The following NKAIN2 variants were observed in gnomAD, a reference collection of about 807,000 sequenced individuals.
NKAIN2 encodes sodium/potassium-transporting ATPase subunit beta-1-interacting protein 2.
In NKAIN2, 14 loss-of-function variants were observed where a neutral mutation model predicts 32.6. The ratio of observed to expected loss-of-function variants is 0.43; its 90% CI spans 0.28 to 0.67. The LOEUF is 0.67. NKAIN2 is among the 30% of genes least tolerant of loss of function. The probability of loss-of-function intolerance (pLI) is 0.17; values close to 1 mark genes in which losing one functional copy is unlikely to be tolerated. For missense variants in NKAIN2, 198 were observed against 258.3 expected (o/e 0.77, Z 1.60); for synonymous variants, 80 against 87.2 (o/e 0.92, Z 0.46).
Position 124,688,754 on chromosome 6 carries a change from T to C in NKAIN2, c.474+30368T>C, listed in dbSNP as rs573808797. Among the ~76,000 whole-genome samples the C allele has an allele frequency of 9.9e-5, 15 of 152,284 alleles. No homozygotes were observed. The South Asian group carries it at 2.9e-3, about 29-fold the overall frequency. ...TGTTGTCTTTTCACATTGGCTTCTT[T>C]TACTCAGTAATGTAAATATAAGTTT... On this transcript the variant is annotated intron_variant, in intron 4 of 6. Transcript: ENST00000368417.
chr6:124,204,726 G>A lies in NKAIN2; in HGVS notation c.55-78279G>A, dbSNP rs531836576. Among the ~76,000 whole-genome samples, 15 of 151,634 alleles carry A rather than the reference G, an allele frequency of 9.9e-5. No individual in the cohort carries two copies. In the South Asian group the frequency reaches 2.1e-3, roughly 21 times the overall value. ...TGATTAGATTGCTAGCATATTCTAGGTACCCAAATGACATTTCTCTTGGAC... is the reference window on the plus strand; with the variant it reads ...TGATTAGATTGCTAGCATATTCTAGATACCCAAATGACATTTCTCTTGGAC... On this transcript the variant is annotated intron_variant, in intron 1 of 6. Transcript: ENST00000368417.
At chr6:123,910,500 T>G (rs1370854206) in intron 1 of NKAIN2, among the ~76,000 whole-genome samples, 2 of 27,340 alleles carry the variant, frequency 7.3e-5, no homozygotes, top group Admixed American at 5.8e-4. Context: ...GCAATGCATG[T>G]TTTTTTTTTT....
At chr6:124,333,521 G>T (rs537695327) in intron 2 of NKAIN2, among the ~76,000 whole-genome samples, 3 of 152,024 alleles carry the variant, frequency 2.0e-5, no homozygotes, top group African/African-American at 7.2e-5. Flanking sequence ...TTAGCTGGGC[G>T]TGGTGGTGGG....
chr6:124,108,137 C>T (rs1785203180), intron 1 of NKAIN2, among the ~76,000 whole-genome samples: 1 of 152,084 alleles, frequency 6.6e-6, no homozygotes, highest in Non-Finnish European at 1.5e-5. Context: ...CATTCCCATC[C>T]ACAGTGTACA....
At chr6:124,536,194 G>A (rs1038770523) in intron 3 of NKAIN2, among the ~76,000 whole-genome samples, 3 of 152,196 alleles carry the variant, frequency 2.0e-5, no homozygotes, top group Non-Finnish European at 4.4e-5. Flanking sequence ...TTGTAAAAAT[G>A]TAGACATGAA....
At chr6:124,771,483 T>A (rs1248945662) in intron 4 of NKAIN2, among the ~76,000 whole-genome samples, 1 of 152,132 alleles carries the variant, frequency 6.6e-6, no homozygotes, top group Admixed American at 6.5e-5. Context: ...TAAGGAAATA[T>A]ATGTAAGCAT....
At chr6:124,704,812 AC>A (rs1379403018) in intron 4 of NKAIN2, among the ~76,000 whole-genome samples, 1 of 151,980 alleles carries the variant, frequency 6.6e-6, no homozygotes, top group African/African-American at 2.4e-5. Context: ...TACACTCTCT[AC>A]TTAACTTCCT....
At chr6:123,845,017 T>A (rs1775032349) in intron 1 of NKAIN2, among the ~76,000 whole-genome samples, 1 of 152,312 alleles carries the variant, frequency 6.6e-6, no homozygotes, top group Non-Finnish European at 1.5e-5. Flanking sequence ...TTTTAAGATG[T>A]TAATTGGAAA....
At chr6:124,597,440 C>T (rs1413855763) in intron 3 of NKAIN2, among the ~76,000 whole-genome samples, 3 of 151,748 alleles carry the variant, frequency 2.0e-5, no homozygotes, top group African/African-American at 7.3e-5. Context: ...CAGTAGGCAT[C>T]CTCTATCTTA....
At chr6:123,826,980 G>C (rs1253319405) in intron 1 of NKAIN2, among the ~76,000 whole-genome samples, 1 of 152,056 alleles carries the variant, frequency 6.6e-6, no homozygotes, top group East Asian at 1.9e-4. Context: ...AAGGGTTTCA[G>C]TTCCTCTGCA....
At chr6:124,136,124 C>A (rs780133767) in intron 1 of NKAIN2, among the ~76,000 whole-genome samples, 9 of 151,832 alleles carry the variant, frequency 5.9e-5, no homozygotes, top group Non-Finnish European at 1.2e-4. Context: ...GATTGATAAA[C>A]CATTAGCAAG....
At chr6:124,664,144 G>A (rs919566741) in intron 4 of NKAIN2, among the ~76,000 whole-genome samples, 11 of 151,726 alleles carry the variant, frequency 7.2e-5, no homozygotes, top group East Asian at 2.0e-4. Context: ...ACATGGTGGC[G>A]GATGCATGTC....
intron 3 of NKAIN2, among the ~76,000 whole-genome samples, chr6:124,447,491 T>G (rs1253781193): frequency 6.6e-6 from 1 of 152,094 alleles, no homozygotes; most frequent in Non-Finnish European, 1.5e-5. Flanking sequence ...AAATGACCTA[T>G]TATAGGAAAT....
intron 1 of NKAIN2, among the ~76,000 whole-genome samples, chr6:123,870,470 G>C (rs2114279011): frequency 6.6e-6 from 1 of 152,184 alleles, no homozygotes; most frequent in Non-Finnish European, 1.5e-5. Context: ...TCTTAGTGCT[G>C]TCACTTTCTG....
intron 1 of NKAIN2, among the ~76,000 whole-genome samples, chr6:124,036,108 CAT>C (rs1429731085): frequency 6.6e-6 from 1 of 152,112 alleles, no homozygotes; most frequent in African/African-American, 2.4e-5. Flanking sequence ...CCTCAACCCA[CAT>C]GTTATATCCA....
chr6:124,158,638 C>T (rs552162843), intron 1 of NKAIN2, among the ~76,000 whole-genome samples: 40 of 152,268 alleles, frequency 2.6e-4, no homozygotes, highest in Non-Finnish European at 5.6e-4. Flanking sequence ...ACACACAGAG[C>T]ACCTTGGAAT....
chr6:124,598,780 C>T (rs1016805847), intron 3 of NKAIN2, among the ~76,000 whole-genome samples: 19 of 152,036 alleles, frequency 1.2e-4, no homozygotes, highest in African/African-American at 4.3e-4. Flanking sequence ...ATTAACAAAG[C>T]CATGGTTGGA....
intron 1 of NKAIN2, among the ~76,000 whole-genome samples, chr6:124,187,821 G>A (rs542493576): frequency 2.0e-5 from 3 of 152,176 alleles, no homozygotes; most frequent in Admixed American, 6.5e-5. Context: ...TTACTAAGCT[G>A]TTTTGAATTC....
At position 123,826,449 on chromosome 6, in the gene NKAIN2, A is replaced by G. The variant is rs915062078; in HGVS notation, c.54+22195A>G. Reference sequence around the variant, plus strand: ...TTCATATTGTGGTGCAACCATCACCACCATCCATCTCCAGAACTTTTTATT... The same window carrying G: ...TTCATATTGTGGTGCAACCATCACCGCCATCCATCTCCAGAACTTTTTATT... On this transcript the variant is annotated intron_variant, in intron 1 of 6. Transcript: ENST00000368417. 5.9e-5 allele frequency among the ~76,000 whole-genome samples: 9 copies of G among 152,050 alleles called. No homozygotes were observed. In the East Asian group the frequency reaches 7.7e-4, roughly 13 times the overall value.
Sources: gnomAD v4.1 joint callset for allele counts (sites outside exome capture counted in the v4.1 genomes callset) on GRCh38, gnomAD v4.1.1 for gene constraint, MANE v1.5 for transcripts, NCBI Gene and HGNC (gene_info 2026-07-23, HGNC 2026-07-21) for gene names.